Variants in HEATR5B observed in about 807,000 individuals in gnomAD.
HEATR5B encodes HEAT repeat containing 5B.
HEATR5B carries 156 observed loss-of-function variants against 224.1 expected under a neutral mutation model. That is an observed-to-expected ratio of 0.70 (90% CI 0.61 to 0.80). HEATR5B has a LOEUF of 0.80. Among genes scored for constraint, HEATR5B ranks in the 30% least tolerant of loss-of-function variants. The pLI, the probability that HEATR5B is intolerant of heterozygous loss-of-function variation, is 0.00. For missense variants in HEATR5B, 2,323 were observed against 2,535.5 expected (o/e 0.92, Z 1.80); for synonymous variants, 1,027 against 893.0 (o/e 1.15, Z -2.68).
At chr2:37,030,773 T>C (rs1376941752) in intron 22 of HEATR5B, among the ~76,000 whole-genome samples, 1 of 152,250 alleles carries the variant, frequency 6.6e-6, no homozygotes. Flanking sequence ...ATTTCTTCTT[T>C]ATAAAATGTG....
chr2:37,082,073 TTTTTTTTTTTTTTC>T (rs1672610313), intron 2 of HEATR5B, among the ~76,000 whole-genome samples: 1 of 102,944 alleles, frequency 9.7e-6, no homozygotes, highest in African/African-American at 3.5e-5. Context: ...TTTTTTTTTT[TTTTTTTTTTTTTTC>T]AGATGGAGTT....
intron 35 of HEATR5B, among the ~76,000 whole-genome samples, chr2:36,985,144 T>C (rs1665860036): frequency 6.6e-6 from 1 of 152,224 alleles, no homozygotes; most frequent in Non-Finnish European, 1.5e-5. Context: ...GCTGAAAATT[T>C]ACCCTCTTGG....
intron 2 of HEATR5B, 39 bp from the exon 3 acceptor site, chr2:37,079,370 A>AC: frequency 8.4e-7 from 1 of 1,196,878 alleles, no homozygotes; most frequent in Non-Finnish European, 1.2e-6. Context: ...ATCATTAAAA[A>AC]TTTTTTTTGT....
At position 37,065,747 on chromosome 2, in the gene HEATR5B, T is replaced by A; in HGVS notation, c.1333+8A>T. On this transcript the variant is annotated splice_region_variant and intron_variant, in intron 9 of 35. Transcript: ENST00000233099. ...AAACACATACTAGCAAGTAACTGAATGTCATACCTATAGATGCTTCTTGAA... is the reference window on the plus strand; with the variant it reads ...AAACACATACTAGCAAGTAACTGAAAGTCATACCTATAGATGCTTCTTGAA... 1 of 1,606,140 alleles carries A rather than the reference T, an allele frequency of 6.2e-7. No homozygotes were observed. Among genetic ancestry groups the A allele is most frequent in the Non-Finnish European group, 8.5e-7 (1 of 1,175,258 alleles).
intron 3 of HEATR5B, among the ~76,000 whole-genome samples, chr2:37,078,442 C>T (rs767183524): frequency 1.3e-5 from 2 of 152,146 alleles, no homozygotes; most frequent in Non-Finnish European, 2.9e-5. Context: ...TTCTACTTAA[C>T]CAGAACTATA....
chr2:37,008,511 T>C (rs1220814432), intron 28 of HEATR5B, 100 bp downstream of exon 28: 2 of 811,398 alleles, frequency 2.5e-6, no homozygotes, highest in Admixed American at 1.9e-5. Flanking sequence ...AAATTTAAAC[T>C]GTTACTATAG....
chr2:37,012,582 G>A (rs947513860), intron 27 of HEATR5B, among the ~76,000 whole-genome samples: 3 of 152,140 alleles, frequency 2.0e-5, no homozygotes, highest in African/African-American at 7.2e-5. Flanking sequence ...CAGAGACAGT[G>A]TTTCACCATA....
intron 33 of HEATR5B, among the ~76,000 whole-genome samples, chr2:36,995,087 GTTTTT>G (rs775120824): frequency 9.6e-6 from 1 of 104,132 alleles, no homozygotes; most frequent in Non-Finnish European, 1.9e-5. Flanking sequence ...GTTATTCCTT[GTTTTT>G]TTTTTTTTTT....
rs1432906085 is a variant in HEATR5B at position 37,018,462 on chromosome 2, A to AC, written c.4104+1346dup. Among the ~76,000 whole-genome samples the AC allele has an allele frequency of 2.0e-5, 3 of 152,326 alleles. No homozygotes were observed. The South Asian group carries it at 6.2e-4, about 32-fold the overall frequency. The stretch of plus-strand genomic sequence containing the variant: ...ATCACGATCCAGAGACCTATCTCTT[A>AC]CCAACAACGTTTCTTTTCTCTCTGG... On this transcript the variant is annotated intron_variant, in intron 26 of 35. Transcript: ENST00000233099.
chr2:36,982,503 G>C (rs1056380624), intron 35 of HEATR5B, among the ~76,000 whole-genome samples: 1 of 152,056 alleles, frequency 6.6e-6, no homozygotes, highest in East Asian at 1.9e-4. Flanking sequence ...GTAATTGTGT[G>C]TGTGTATAAC....
chr2:36,994,728 A>C (rs1000330881), intron 33 of HEATR5B, among the ~76,000 whole-genome samples: 2 of 152,172 alleles, frequency 1.3e-5, no homozygotes, highest in Non-Finnish European at 2.9e-5. Context: ...AACAAAAATT[A>C]AATTAATTAT....
chr2:36,990,174 C>T (rs894172804), intron 34 of HEATR5B, among the ~76,000 whole-genome samples: 5 of 152,018 alleles, frequency 3.3e-5, no homozygotes, highest in East Asian at 1.9e-4. Flanking sequence ...GGATTACAGG[C>T]GTGAGCCACC....
rs1483253498 is a variant in HEATR5B, at chr2:37,005,753, C to T, written c.4784G>A (p.Ser1595Asn). Residue 1595 changes from serine to asparagine, a missense_variant, in exon 30 of 36, where the codon AGT (serine) becomes AAT (asparagine). Ser to Asn is a conservative substitution (Grantham distance 46). Coordinates refer to ENST00000233099, the MANE Select transcript of HEATR5B (RefSeq NM_019024.3). ...KDRMHLILGV[S>N]IQFLCSPRPE... Reference sequence around the variant, plus strand: ...TCTAGGGGAACAAAGAAACTGTATACTCACACCTGAAATGCACAAAATAAA... The same window carrying T: ...TCTAGGGGAACAAAGAAACTGTATATTCACACCTGAAATGCACAAAATAAA... The T allele has an allele frequency of 6.3e-7, 1 of 1,585,306 alleles. No homozygotes were observed. The highest frequency in any genetic ancestry group is 8.5e-7 in the Non-Finnish European group (1 of 1,171,052).
In HEATR5B at chr2:37,007,139, G is replaced by T; in HGVS notation, c.4688C>A (p.Thr1563Lys). ...AAISGLQKRS[T>K]SVNLNQASGA... is the part of the protein sequence containing the mutation. Reference sequence around the variant, plus strand: ...TGATGCCTGGTTTAAATTGACAGATGTAGAACGTTTTTGTAAACCAGATAT... The same window carrying T: ...TGATGCCTGGTTTAAATTGACAGATTTAGAACGTTTTTGTAAACCAGATAT... The change falls in exon 29 of 36, where the codon ACA becomes AAA. Residue 1563 changes from threonine (T) to lysine (K), a missense_variant. Physicochemically the swap from Thr to Lys is moderately conservative, Grantham distance 78 (BLOSUM62 -1). Around this residue, in one of 12 missense-constraint regions of HEATR5B, gnomAD observed 844 missense variants for 812.9 expected, o/e 1.04. Transcript: ENST00000233099. The T allele has an allele frequency of 6.2e-7, 1 of 1,614,080 alleles. No homozygotes were observed. Among genetic ancestry groups the T allele is most frequent in the South Asian group, 1.1e-5 (1 of 91,074 alleles).
chr2:37,070,425 TTC>T, intron 6 of HEATR5B, 38 bp from the exon 7 acceptor site: 2 of 1,525,252 alleles, frequency 1.3e-6, no homozygotes, highest in Non-Finnish European at 9.1e-7. Flanking sequence ...GCAAATATAT[TTC>T]TGAGGCACTC....
intron 6 of HEATR5B, among the ~76,000 whole-genome samples, chr2:37,071,597 T>C (rs1671910509): frequency 6.6e-6 from 1 of 152,194 alleles, no homozygotes; most frequent in South Asian, 2.1e-4. Flanking sequence ...TATGTGCTTA[T>C]ATGTCCAGCA....
chr2:37,053,616 A>T lies in HEATR5B; in HGVS notation c.2400-9T>A, dbSNP rs763304666. The T allele has an allele frequency of 6.4e-7, 1 of 1,553,066 alleles. No individual in the cohort carries two copies. Among genetic ancestry groups the T allele is most frequent in the South Asian group, 1.2e-5 (1 of 86,232 alleles). The stretch of plus-strand genomic sequence containing the variant: ...GATCCAACATTTGTAATCTATAACA[A>T]TAAGAAAAAAAAATCACATTAGTGA... On this transcript the variant is annotated splice_polypyrimidine_tract_variant and intron_variant, in intron 16 of 35. Coordinates refer to ENST00000233099, the MANE Select transcript of HEATR5B (RefSeq NM_019024.3).
intron 5 of HEATR5B, 139 bp downstream of exon 5, chr2:37,075,346 A>G (rs778129326): frequency 4.3e-5 from 26 of 602,164 alleles, no homozygotes; most frequent in Non-Finnish European, 6.6e-5. Flanking sequence ...ATGTGATACT[A>G]TTATATATAA....
chr2:37,060,258 G>T (rs1193411140), intron 12 of HEATR5B, among the ~76,000 whole-genome samples: 2 of 152,048 alleles, frequency 1.3e-5, no homozygotes, highest in Admixed American at 6.6e-5. Context: ...AATAGCTGTT[G>T]GGTATTTTTT....
Sources: gnomAD v4.1 joint callset for allele counts (sites outside exome capture counted in the v4.1 genomes callset) on GRCh38, gnomAD v4.1.1 for gene constraint, gnomAD v4.1.1 regional missense constraint, MANE v1.5 for transcripts, NCBI Gene and HGNC (gene_info 2026-07-23, HGNC 2026-07-21) for gene names.